Variants in ATOH8 observed in about 807,000 individuals in gnomAD.
The protein encoded by ATOH8 is atonal bHLH transcription factor 8, also known as transcription factor ATOH8.
A neutral mutation model predicts 21.2 loss-of-function variants in ATOH8; 9 were observed. That is an observed-to-expected ratio of 0.42 (90% CI 0.26 to 0.74). The LOEUF (loss-of-function observed/expected upper bound fraction) is 0.74. ATOH8 is among the 30% of genes least tolerant of loss of function. The pLI is 0.24. For synonymous variants in ATOH8, 253 were observed against 224.0 expected (o/e 1.13, Z -1.16); for missense variants, 524 against 470.9 (o/e 1.11, Z -1.04).
At chr2:85,774,232 G>A (rs892438926) in intron 2 of ATOH8, 18 of 985,452 alleles carry the variant, frequency 1.8e-5, no homozygotes, top group East Asian at 1.1e-4. Flanking sequence ...ATGGCATGGC[G>A]TCAGCCTAGT....
At chr2:85,761,216 G>C (rs943882522) in intron 1 of ATOH8, among the ~76,000 whole-genome samples, 4 of 152,212 alleles carry the variant, frequency 2.6e-5, no homozygotes, top group African/African-American at 9.6e-5. Flanking sequence ...TATGTGCCTG[G>C]TGTCAGTCAG....
chr2:85,774,332 C>T (rs1356708245), intron 2 of ATOH8: 2 of 985,418 alleles, frequency 2.0e-6, no homozygotes, highest in African/African-American at 3.5e-5. Context: ...AGCCTTGAGC[C>T]CTGCACCTGG....
rs1186929024 is a variant in ATOH8, at chr2:85,791,221, G to C, written c.*4331G>C. Among the ~76,000 whole-genome samples, 1 of 152,214 alleles carries C rather than the reference G, an allele frequency of 6.6e-6. No individual in the cohort carries two copies. Among genetic ancestry groups the C allele is most frequent in the Non-Finnish European group, 1.5e-5 (1 of 68,042 alleles). ...AGACAAACAATGACAGTGTTTTCCA[G>C]AACTGTGGGTACGTGTCTAATCTCA... On this transcript the variant is annotated 3_prime_UTR_variant, in exon 3 of 3. Coordinates refer to ENST00000306279, the MANE Select transcript of ATOH8 (RefSeq NM_032827.7).
At chr2:85,773,572 TC>T (rs940817300) in intron 2 of ATOH8, 1 of 152,216 alleles carries the variant, frequency 6.6e-6, no homozygotes, top group Non-Finnish European at 1.5e-5. Flanking sequence ...ACTGGGAGTT[TC>T]CCCTTTCCTT....
chr2:85,776,319 C>T (rs1287136044), intron 2 of ATOH8, among the ~76,000 whole-genome samples: 2 of 152,238 alleles, frequency 1.3e-5, no homozygotes, highest in African/African-American at 4.8e-5. Context: ...CTCAGCTCAA[C>T]CACTCAGGAG....
chr2:85,754,011 C>A lies in ATOH8; in HGVS notation c.-179C>A. 1.6e-6 allele frequency: 1 copy of A among 627,868 alleles called. No individual in the cohort carries two copies. The highest frequency in any genetic ancestry group is 2.5e-6 in the Non-Finnish European group (1 of 405,734). 38.9% of individuals were successfully genotyped at this position (627,868 alleles called of 1,614,324 possible). On this transcript the variant is annotated 5_prime_UTR_variant, in exon 1 of 3. Coordinates refer to ENST00000306279, the MANE Select transcript of ATOH8 (RefSeq NM_032827.7). The stretch of plus-strand genomic sequence containing the variant: ...ACTTCAGATGACACTCTGAGCGCTC[C>A]GGGAACGGACAGCCCGGCGGCTTCC...
intron 1 of ATOH8, 94 bp downstream of exon 1, chr2:85,755,051 G>T: frequency 7.0e-7 from 1 of 1,438,530 alleles, no homozygotes; most frequent in Non-Finnish European, 9.1e-7. Context: ...GTGTGTTTAA[G>T]GGGCAAGCTG....
intron 1 of ATOH8, among the ~76,000 whole-genome samples, chr2:85,758,403 C>T (rs187183117): frequency 0.011 from 1,623 of 152,326 alleles, 109 homozygotes; most frequent in Admixed American, 0.099. Context: ...TACCTTGGCA[C>T]GCAGTTTGCC....
intron 1 of ATOH8, among the ~76,000 whole-genome samples, chr2:85,756,647 A>G (rs952962532): frequency 6.6e-6 from 1 of 152,090 alleles, no homozygotes; most frequent in Non-Finnish European, 1.5e-5. Flanking sequence ...ATCTCATTTG[A>G]TCTAAACATA....
At position 85,791,300 on chromosome 2, in the gene ATOH8, T is replaced by A. The variant is rs138503546; in HGVS notation, c.*4410T>A. ...AGTTTGGATCTAATTCAACCCCTGA[T>A]CCTCGAAACGGCTTTCTTGCAAAGT... On this transcript the variant is annotated 3_prime_UTR_variant, in exon 3 of 3. Coordinates refer to ENST00000306279, the MANE Select transcript of ATOH8 (RefSeq NM_032827.7). 8.5e-5 allele frequency among the ~76,000 whole-genome samples: 13 copies of A among 152,340 alleles called. No individual in the cohort carries two copies. The highest frequency in any genetic ancestry group is 2.4e-4 in the African/African-American group (10 of 41,590).
At chr2:85,773,987 G>C (rs1680261137) in intron 2 of ATOH8, 1 of 668,176 alleles carries the variant, frequency 1.5e-6, no homozygotes, top group Admixed American at 6.3e-5. Context: ...TCTTCCCTTG[G>C]GGGCCGTGCG....
chr2:85,762,999 A>T (rs1251259833), intron 1 of ATOH8, among the ~76,000 whole-genome samples: 1 of 152,086 alleles, frequency 6.6e-6, no homozygotes, highest in East Asian at 1.9e-4. Flanking sequence ...GTGGGATACG[A>T]GTTCATCAAT....
In ATOH8 at chr2:85,787,362, G is replaced by T. The variant is rs900780963; in HGVS notation, c.*472G>T. On this transcript the variant is annotated 3_prime_UTR_variant, in exon 3 of 3. Transcript: ENST00000306279. The stretch of plus-strand genomic sequence containing the variant: ...TGGATGGGCATTTGATGACCCCTGG[G>T]GGTCATCTTGGCCCTCTGACCTGGT... The T allele has an allele frequency of 6.1e-6, 1 of 162,842 alleles. No individual in the cohort carries two copies. The highest frequency in any genetic ancestry group is 2.4e-5 in the African/African-American group (1 of 41,774). The allele number at this position is 162,842 out of a possible 1,614,324, so 10.1% of individuals were successfully genotyped here. A position where few individuals can be genotyped will look rare whatever the true frequency, so the allele number is the denominator to read the frequency against.
intron 2 of ATOH8, 139 bp from the exon 3 acceptor site, chr2:85,786,746 T>C: frequency 9.0e-7 from 1 of 1,113,406 alleles, no homozygotes; most frequent in Non-Finnish European, 1.3e-6. Flanking sequence ...GTTTGAATCC[T>C]GGCTCTTCCA....
intron 1 of ATOH8, among the ~76,000 whole-genome samples, chr2:85,758,390 T>C (rs910995317): frequency 2.6e-5 from 4 of 152,226 alleles, no homozygotes; most frequent in Admixed American, 2.6e-4. Flanking sequence ...TTGTGCTACA[T>C]GCTACCTTGG....
At chr2:85,773,419 C>T (rs576473489) in intron 2 of ATOH8, 1 of 154,402 alleles carries the variant, frequency 6.5e-6, no homozygotes, top group African/African-American at 2.4e-5. Flanking sequence ...GAAGCCAGCC[C>T]TGGGGAGGAA....
At chr2:85,780,974 G>A (rs1372453701) in intron 2 of ATOH8, 1 of 987,748 alleles carries the variant, frequency 1.0e-6, no homozygotes, top group African/African-American at 1.7e-5. Flanking sequence ...GGTCCCTGGG[G>A]AGCTTGGAGG....
At chr2:85,779,422 A>G (rs1344425648) in intron 2 of ATOH8, among the ~76,000 whole-genome samples, 1 of 152,264 alleles carries the variant, frequency 6.6e-6, no homozygotes, top group African/African-American at 2.4e-5. Context: ...CTCGGCAGCC[A>G]GAGAGAGTGG....
At position 85,754,060 on chromosome 2, in the gene ATOH8, G is replaced by T. The variant is rs918894791; in HGVS notation, c.-130G>T. 1.6e-5 allele frequency: 19 copies of T among 1,185,982 alleles called. No individual in the cohort carries two copies. In the African/African-American group the frequency reaches 2.3e-4, roughly 14 times the overall value. 73.5% of individuals were successfully genotyped at this position (1,185,982 alleles called of 1,614,324 possible). A position where few individuals can be genotyped will look rare whatever the true frequency, so the allele number is the denominator to read the frequency against. ...CCCGAAGCCGGCGGCGCAGCTGCCC[G>T]GGGCGAGGGGGAGAAAGGGAGAGAG... On this transcript the variant is annotated 5_prime_UTR_variant, in exon 1 of 3. Coordinates refer to ENST00000306279, the MANE Select transcript of ATOH8 (RefSeq NM_032827.7).
Sources: gnomAD v4.1 joint callset for allele counts (sites outside exome capture counted in the v4.1 genomes callset) on GRCh38, gnomAD v4.1.1 for gene constraint, MANE v1.5 for transcripts, NCBI Gene and HGNC (gene_info 2026-07-23, HGNC 2026-07-21) for gene names.